PDGFD: variants seen among roughly 807,000 people sequenced by gnomAD.
PDGFD encodes platelet derived growth factor D, also known as platelet-derived growth factor D.
Under a neutral mutation model 44.7 loss-of-function variants are expected in PDGFD, and 30 were observed. The observed-to-expected ratio is 0.67, with a 90% CI of 0.50 to 0.91. The LOEUF is 0.91. Ranked by LOEUF, PDGFD falls within the 40% of genes least tolerant of loss-of-function variation. The pLI is 0.00. For missense variants in PDGFD, 445 were observed against 457.8 expected, an observed-to-expected ratio of 0.97 and a Z score of 0.25; for synonymous variants, 173 against 168.4, an observed-to-expected ratio of 1.03 and a Z score of -0.21.
At chr11:103,940,165 A>G (rs7926069) in intron 5 of PDGFD, among the ~76,000 whole-genome samples, 10,543 of 151,980 alleles carry the variant, frequency 0.069, 1,042 homozygotes, top group East Asian at 0.23. Flanking sequence ...CCTCCCTTCT[A>G]CTAAATAAAA....
intron 3 of PDGFD, among the ~76,000 whole-genome samples, chr11:103,979,814 T>C (rs1025125303): frequency 1.2e-4 from 19 of 152,084 alleles, no homozygotes; most frequent in Admixed American, 1.1e-3. Flanking sequence ...ATATTGAAAA[T>C]AGCATATATA....
chr11:104,144,411 C>A, intron 1 of PDGFD, among the ~76,000 whole-genome samples: 1 of 147,668 alleles, frequency 6.8e-6, no homozygotes, highest in Non-Finnish European at 1.5e-5. Context: ...GAGGCTGAGG[C>A]AGGAGAATCG....
intron 1 of PDGFD, among the ~76,000 whole-genome samples, chr11:104,144,191 C>T (rs1167652189): frequency 6.6e-6 from 1 of 152,114 alleles, no homozygotes; most frequent in Non-Finnish European, 1.5e-5. Flanking sequence ...ACCTCAGAAT[C>T]TCAATTCTTA....
In PDGFD at chr11:104,011,404, T is replaced by G. The variant is rs189410474; in HGVS notation, c.125-11149A>C. On this transcript the variant is annotated intron_variant, in intron 1 of 6. Coordinates refer to ENST00000393158, the MANE Select transcript of PDGFD (RefSeq NM_025208.5). ...ATTTATAATTATACTTAAAATAAATTTTTATTAAATTGTATGGCTTCAGTG... is the reference window on the plus strand; with the variant it reads ...ATTTATAATTATACTTAAAATAAATGTTTATTAAATTGTATGGCTTCAGTG... Among the ~76,000 whole-genome samples the G allele has an allele frequency of 2.9e-4, 44 of 152,190 alleles. No homozygotes were observed. In the East Asian group the frequency reaches 4.2e-3, roughly 15 times the overall value.
At chr11:104,049,150 A>C (rs111696196) in intron 1 of PDGFD, among the ~76,000 whole-genome samples, 1 of 152,156 alleles carries the variant, frequency 6.6e-6, no homozygotes, top group Non-Finnish European at 1.5e-5. Context: ...TCAGGGACAG[A>C]TATCTTCTAT....
At chr11:104,112,827 T>C (rs1051291571) in intron 1 of PDGFD, among the ~76,000 whole-genome samples, 9 of 151,858 alleles carry the variant, frequency 5.9e-5, no homozygotes, top group African/African-American at 2.2e-4. Flanking sequence ...ATGATGAGAA[T>C]ACATGGACAC....
chr11:104,029,890 T>C (rs927994433), intron 1 of PDGFD, among the ~76,000 whole-genome samples: 2 of 152,178 alleles, frequency 1.3e-5, no homozygotes, highest in Non-Finnish European at 2.9e-5. Context: ...TCATAAACTA[T>C]GATATCCACT....
At position 103,947,695 on chromosome 11, in the gene PDGFD, C is replaced by A. The variant is rs749089826; in HGVS notation, c.540G>T (p.Glu180Asp). The change falls in exon 4 of 7, where the codon GAG becomes GAT. Residue 180 changes from glutamate to aspartate, a missense_variant. Coordinates refer to ENST00000393158, the MANE Select transcript of PDGFD (RefSeq NM_025208.5). ...AGCTTGTGACAGATTCCCAGTTGGT[C>A]TCTGAAGCTGCTGCGGGTTGGAAAT... ...LEDFQPAAAS[E>D]TNWESVTSSI... 1 of 1,613,530 alleles carries A rather than the reference C, an allele frequency of 6.2e-7. No homozygotes were observed. Among genetic ancestry groups the A allele is most frequent in the Non-Finnish European group, 8.5e-7 (1 of 1,179,674 alleles).
chr11:103,972,954 A>G (rs753940192), intron 3 of PDGFD, among the ~76,000 whole-genome samples: 4 of 152,166 alleles, frequency 2.6e-5, no homozygotes, highest in Non-Finnish European at 4.4e-5. Flanking sequence ...TTTCATCAAT[A>G]CATATACTGT....
intron 5 of PDGFD, among the ~76,000 whole-genome samples, chr11:103,932,720 T>C (rs1230545784): frequency 6.6e-6 from 1 of 152,210 alleles, no homozygotes; most frequent in Non-Finnish European, 1.5e-5. Flanking sequence ...CAGATTCCCT[T>C]TGCAAGAAAT....
At chr11:103,947,158 T>C (rs145535606) in intron 4 of PDGFD, among the ~76,000 whole-genome samples, 83 of 152,348 alleles carry the variant, frequency 5.4e-4, no homozygotes, top group African/African-American at 1.9e-3. Flanking sequence ...TTTTACAGCT[T>C]CAGGGTGAGT....
chr11:104,017,743 A>G (rs1476580252), intron 1 of PDGFD, among the ~76,000 whole-genome samples: 1 of 152,174 alleles, frequency 6.6e-6, no homozygotes, highest in Non-Finnish European at 1.5e-5. Flanking sequence ...ATCTTACTAC[A>G]TATGCTAGGG....
intron 1 of PDGFD, among the ~76,000 whole-genome samples, chr11:104,008,038 TC>T (rs970777037): frequency 2.6e-5 from 4 of 152,192 alleles, no homozygotes; most frequent in Non-Finnish European, 4.4e-5. Flanking sequence ...ATGGAAGCTT[TC>T]CATATTTAAG....
intron 1 of PDGFD, among the ~76,000 whole-genome samples, chr11:104,160,638 A>G (rs568096917): frequency 1.3e-5 from 2 of 152,202 alleles, no homozygotes; most frequent in African/African-American, 4.8e-5. Flanking sequence ...AAATGTAAAC[A>G]TTCTATTAAG....
intron 1 of PDGFD, among the ~76,000 whole-genome samples, chr11:104,002,611 G>C (rs1338958680): frequency 6.6e-6 from 1 of 152,250 alleles, no homozygotes; most frequent in African/African-American, 2.4e-5. Context: ...ACACAGGTCT[G>C]AACACTGTTT....
At chr11:104,056,604 G>C (rs1045448943) in intron 1 of PDGFD, among the ~76,000 whole-genome samples, 1 of 152,078 alleles carries the variant, frequency 6.6e-6, no homozygotes, top group Non-Finnish European at 1.5e-5. Flanking sequence ...AGAGTTAGAA[G>C]CTGGGAGAGA....
intron 1 of PDGFD, among the ~76,000 whole-genome samples, chr11:104,006,488 C>T (rs183093533): frequency 4.6e-5 from 7 of 152,278 alleles, no homozygotes; most frequent in East Asian, 3.9e-4. Context: ...GGTAGTTCCC[C>T]GGCAAAGGCC....
At chr11:104,056,591 C>A (rs1236715183) in intron 1 of PDGFD, among the ~76,000 whole-genome samples, 1 of 152,020 alleles carries the variant, frequency 6.6e-6, no homozygotes, top group Non-Finnish European at 1.5e-5. Context: ...CCAAGGATTC[C>A]TGAGAGTTAG....
chr11:104,106,399 G>T (rs1182192751), intron 1 of PDGFD, among the ~76,000 whole-genome samples: 4 of 151,648 alleles, frequency 2.6e-5, no homozygotes, highest in African/African-American at 9.7e-5. Context: ...ATTACTACCT[G>T]TGCATCAGCA....
Sources: gnomAD v4.1 joint callset for allele counts (sites outside exome capture counted in the v4.1 genomes callset) on GRCh38, gnomAD v4.1.1 for gene constraint, MANE v1.5 for transcripts, NCBI Gene and HGNC (gene_info 2026-07-23, HGNC 2026-07-21) for gene names.